The following WNT2B variants were observed in gnomAD, a reference collection of about 807,000 sequenced individuals.
The protein encoded by WNT2B is Wnt family member 2B, also known as protein Wnt-2b.
WNT2B carries 19 observed loss-of-function variants against 40.5 expected under a neutral mutation model. That is an observed-to-expected ratio of 0.47 (90% CI 0.33 to 0.69). WNT2B has a LOEUF of 0.69. WNT2B is among the 30% of genes least tolerant of loss of function. The probability of loss-of-function intolerance (pLI) is 0.02; values close to 1 mark genes in which losing one functional copy is unlikely to be tolerated. For missense variants in WNT2B, 467 were observed against 556.4 expected (o/e 0.84, Z 1.62); for synonymous variants, 220 against 211.9 (o/e 1.04, Z -0.33).
upstream of WNT2B, chr1:112,508,829 G>T: frequency 1.0e-6 from 1 of 994,122 alleles, no homozygotes; most frequent in Non-Finnish European, 1.2e-6. This position sits in a 1 kb window ranked among gnomAD's most constrained non-coding sequence, Gnocchi z 4.2. Context: ...AGGGGCGGAG[G>T]CGGCTGCTAC....
rs138667153 is a variant in WNT2B, at chr1:112,488,614, C to T, written c.-95+21023C>T. Among the ~76,000 whole-genome samples the T allele has an allele frequency of 8.1e-3, 1,218 of 150,388 alleles. 12 individuals are homozygous for T. The highest frequency in any genetic ancestry group is 0.028 in the African/African-American group (1,132 of 40,894). ...TCGCCCATGCTGGAGTGCAGTGTCA[C>T]GATCCTGGCTCACTGCAAGCTCCAC... is the stretch of plus-strand genomic sequence containing the variant. On this transcript the variant is annotated intron_variant, in intron 1 of 4. Transcript: ENST00000256640.
intron 1 of WNT2B, among the ~76,000 whole-genome samples, chr1:112,487,687 CTT>C (rs2101061690): frequency 6.6e-6 from 1 of 152,168 alleles, no homozygotes; most frequent in African/African-American, 2.4e-5. Flanking sequence ...AATCCCAACA[CTT>C]TGGGAGGCTG....
intron 1 of WNT2B, among the ~76,000 whole-genome samples, chr1:112,467,782 A>C (rs1322894457): frequency 1.3e-5 from 2 of 152,170 alleles, no homozygotes; most frequent in Non-Finnish European, 2.9e-5. Context: ...CATCACCTTG[A>C]GTATTTATCA....
At chr1:112,500,446 AT>A (rs1489702644) in intron 1 of WNT2B, among the ~76,000 whole-genome samples, 2 of 152,132 alleles carry the variant, frequency 1.3e-5, no homozygotes, top group Non-Finnish European at 2.9e-5. Flanking sequence ...TAAAATAAAT[AT>A]TTTTAAATGT....
intron 1 of WNT2B, among the ~76,000 whole-genome samples, chr1:112,488,189 T>C (rs981398581): frequency 3.3e-5 from 5 of 151,756 alleles, no homozygotes; most frequent in South Asian, 2.1e-4. Flanking sequence ...TCCCAGCTAT[T>C]TGGGAGGCTG....
intron 1 of WNT2B, among the ~76,000 whole-genome samples, chr1:112,498,131 C>T (rs1192182579): frequency 6.6e-6 from 1 of 151,620 alleles, no homozygotes; most frequent in Non-Finnish European, 1.5e-5. Context: ...TTGTGTCCAA[C>T]TCCCACTTAT....
intron 1 of WNT2B, among the ~76,000 whole-genome samples, chr1:112,485,183 G>T (rs919562989): frequency 1.3e-5 from 2 of 152,152 alleles, no homozygotes; most frequent in African/African-American, 4.8e-5. Context: ...TCAGGCCTGG[G>T]GGCATGATGG....
At chr1:112,491,174 C>A in intron 1 of WNT2B, 1 of 1,255,658 alleles carries the variant, frequency 8.0e-7, no homozygotes, top group South Asian at 1.3e-5. Flanking sequence ...CTTTCAGAGG[C>A]TGAGGCGGGT....
chr1:112,525,539 C>A lies in WNT2B; in HGVS notation c.*5030C>A. ...CATCTCGGTGGCTATTCCTCATTTA[C>A]TTAAGATGTTTTAGTCATTCTGGAT... is the stretch of plus-strand genomic sequence containing the variant. On this transcript the variant is annotated 3_prime_UTR_variant, in exon 5 of 5. Coordinates refer to ENST00000369684, the MANE Select transcript of WNT2B (RefSeq NM_024494.3). The A allele has an allele frequency of 6.8e-6, 1 of 147,328 alleles. No homozygotes were observed. 9.1% of individuals were successfully genotyped at this position (147,328 alleles called of 1,614,324 possible). A position where few individuals can be genotyped will look rare whatever the true frequency, so the allele number is the denominator to read the frequency against.
At chr1:112,500,017 G>C (rs939814772) in intron 1 of WNT2B, among the ~76,000 whole-genome samples, 1 of 152,186 alleles carries the variant, frequency 6.6e-6, no homozygotes, top group Non-Finnish European at 1.5e-5. Context: ...AGGGTAGATG[G>C]TTGGGAAAAA....
At chr1:112,484,515 G>A (rs1282622605) in intron 1 of WNT2B, among the ~76,000 whole-genome samples, 1 of 151,342 alleles carries the variant, frequency 6.6e-6, no homozygotes, top group African/African-American at 2.4e-5. Context: ...GGACTCAAGT[G>A]ATTCATCTAC....
chr1:112,469,364 C>T (rs1055094465), intron 1 of WNT2B, among the ~76,000 whole-genome samples: 11 of 151,964 alleles, frequency 7.2e-5, no homozygotes, highest in African/African-American at 1.7e-4. Context: ...TTCTATTCTG[C>T]GGAAAATGAC....
At chr1:112,507,029 C>T (rs351366), upstream of WNT2B, among the ~76,000 whole-genome samples, 2,925 of 152,276 alleles carry the variant, frequency 0.019, 39 homozygotes, top group Non-Finnish European at 0.03. Flanking sequence ...CGATAACCCT[C>T]GTACACCAGC....
At chr1:112,483,789 AAAAG>A (rs201181301) in intron 1 of WNT2B, among the ~76,000 whole-genome samples, 3,918 of 149,486 alleles carry the variant, frequency 0.026, 173 homozygotes, top group African/African-American at 0.092. Context: ...CAAAAAAAAA[AAAAG>A]AAAGAGAGAA....
intron 1 of WNT2B, among the ~76,000 whole-genome samples, chr1:112,471,885 C>T (rs955930522): frequency 1.3e-5 from 2 of 152,176 alleles, no homozygotes; most frequent in African/African-American, 4.8e-5. Flanking sequence ...CAAAATTTAT[C>T]TCTTGCCAAG....
Position 112,516,357 on chromosome 1 carries a change from G to A in WNT2B, c.621G>A (p.Glu207=). ...RFAKAFVDAK[E]KRLKDARALM... is the part of the protein sequence containing the mutation. Reference sequence around the variant, plus strand: ...CCAAGGCCTTCGTGGATGCCAAGGAGAAGAGGCTTAAGGATGCCCGGGCCC... The same window carrying A: ...CCAAGGCCTTCGTGGATGCCAAGGAAAAGAGGCTTAAGGATGCCCGGGCCC... Residue 207 remains glutamate (E), a synonymous_variant, in exon 3 of 5, where the codon GAG becomes GAA. Transcript: ENST00000369684. 1 of 1,614,036 alleles carries A rather than the reference G, an allele frequency of 6.2e-7. No homozygotes were observed. The highest frequency in any genetic ancestry group is 8.5e-7 in the Non-Finnish European group (1 of 1,180,032).
chr1:112,515,522 A>C lies in WNT2B; in HGVS notation c.403+428A>C, dbSNP rs767027502. 6.6e-6 allele frequency among the ~76,000 whole-genome samples: 1 copy of C among 152,240 alleles called. No homozygotes were observed. Among genetic ancestry groups the C allele is most frequent in the East Asian group, 1.9e-4 (1 of 5,202 alleles). Reference sequence around the variant, plus strand: ...ATAAACAGAAAGGTGATATGTAAATATTTGGAGAGTCAGTGGCTTGGCCTC... The same window carrying C: ...ATAAACAGAAAGGTGATATGTAAATCTTTGGAGAGTCAGTGGCTTGGCCTC... On this transcript the variant is annotated intron_variant, in intron 2 of 4. Coordinates refer to ENST00000369684, the MANE Select transcript of WNT2B (RefSeq NM_024494.3). The surrounding 1 kb of genome is among the most constrained non-coding windows in gnomAD (Gnocchi z 4.4).
chr1:112,509,311 C>T lies in WNT2B; in HGVS notation c.49C>T (p.Arg17Cys), dbSNP rs201895225. ...AEEAAQLPLR[R>C]ASAPVPVPSP... ...GGAAGCTGCGCAGCTCCCGCTTCGG[C>T]GCGCCAGCGCCCCGGTCCCTGTGCC... The change falls in exon 1 of 5, where the codon CGC (arginine) becomes TGC (cysteine). Residue 17 changes from arginine (R) to cysteine (C), a missense_variant. Physicochemically the swap from Arg to Cys is radical, Grantham distance 180. This residue lies in a region of WNT2B where 137 missense variants were observed against 117.7 expected (regional missense o/e 1.16). Coordinates refer to ENST00000369684, the MANE Select transcript of WNT2B (RefSeq NM_024494.3). The surrounding 1 kb of genome is among the most constrained non-coding windows in gnomAD (Gnocchi z 4.2). 400 of 1,564,520 alleles carry T rather than the reference C, an allele frequency of 2.6e-4. 1 individual carries two copies. The Middle Eastern group carries it at 4.6e-3, about 18-fold the overall frequency.
At chr1:112,492,500 G>T (rs534121822) in intron 1 of WNT2B, among the ~76,000 whole-genome samples, 11 of 152,210 alleles carry the variant, frequency 7.2e-5, no homozygotes, top group Non-Finnish European at 1.5e-4. Context: ...CTCACATATT[G>T]TGAGTTTTAC....
Sources: allele counts gnomAD v4.1 joint callset (sites outside exome capture counted in the v4.1 genomes callset), GRCh38; gene constraint gnomAD v4.1.1; regional missense constraint gnomAD v4.1.1; non-coding constraint Gnocchi (gnomAD v3.1); transcripts MANE v1.5; gene names NCBI Gene and HGNC (gene_info 2026-07-23, HGNC 2026-07-21).